BBS4: variants seen among roughly 807,000 people sequenced by gnomAD.
The protein encoded by BBS4 is Bardet-Biedl syndrome 4, also known as BBSome complex member BBS4.
BBS4 carries 58 observed loss-of-function variants against 71.4 expected under a neutral mutation model. The observed-to-expected ratio is 0.81, with a 90% CI of 0.66 to 1.01. The LOEUF (loss-of-function observed/expected upper bound fraction) is 1.01. Ranked by LOEUF, BBS4 falls within the 50% of genes least tolerant of loss-of-function variation. BBS4 has a pLI of 0.00. For synonymous variants in BBS4, 228 were observed against 216.8 expected, an observed-to-expected ratio of 1.05 and a Z score of -0.46; for missense variants, 660 against 607.9, an observed-to-expected ratio of 1.09 and a Z score of -0.90.
chr15:72,689,796 A>G (rs1474184535), intron 1 of BBS4, among the ~76,000 whole-genome samples: 1 of 149,464 alleles, frequency 6.7e-6, no homozygotes, highest in Non-Finnish European at 1.5e-5. Context: ...TTATTTATTT[A>G]TTTATTTATT....
rs1287321672 is a variant in BBS4, at chr15:72,737,963, C to G, written c.*376C>G. 1 of 455,008 alleles carries G rather than the reference C, an allele frequency of 2.2e-6. No individual in the cohort carries two copies. The highest frequency in any genetic ancestry group is 4.4e-6 in the Non-Finnish European group (1 of 227,438). The allele number at this position is 455,008 out of a possible 1,614,324, so 28.2% of individuals were successfully genotyped here. ...AGTTCAAGGAACAGCTGAGACAGACCTCTGCTGAGTAGCTCTGTGATGACA... is the reference window on the plus strand; with the variant it reads ...AGTTCAAGGAACAGCTGAGACAGACGTCTGCTGAGTAGCTCTGTGATGACA... On this transcript the variant is annotated 3_prime_UTR_variant, in exon 16 of 16. Coordinates refer to ENST00000268057, the MANE Select transcript of BBS4 (RefSeq NM_033028.5).
intron 2 of BBS4, among the ~76,000 whole-genome samples, chr15:72,702,248 G>A (rs1217866252): frequency 6.6e-6 from 1 of 152,138 alleles, no homozygotes; most frequent in Non-Finnish European, 1.5e-5. Context: ...GCAGAAACTT[G>A]GTTTAATGTG....
intron 2 of BBS4, among the ~76,000 whole-genome samples, chr15:72,701,318 G>A (rs1440492893): frequency 1.3e-5 from 2 of 152,088 alleles, no homozygotes; most frequent in Admixed American, 1.3e-4. Flanking sequence ...TTTCTTCCTT[G>A]TTATATATAT....
At chr15:72,704,377 T>C in intron 2 of BBS4, 8 of 1,132,540 alleles carry the variant, frequency 7.1e-6, no homozygotes, top group Non-Finnish European at 9.4e-6. Flanking sequence ...CTAGTAATTC[T>C]CATAATACCT....
chr15:72,701,813 T>TA (rs1012357277), intron 2 of BBS4, among the ~76,000 whole-genome samples: 35 of 151,912 alleles, frequency 2.3e-4, no homozygotes, highest in African/African-American at 7.7e-4. Context: ...ACACTGGTTT[T>TA]AAAAAAAATA....
chr15:72,724,692 T>C (rs1567422241), intron 8 of BBS4, 37 bp downstream of exon 8: 7 of 1,611,434 alleles, frequency 4.3e-6, no homozygotes, highest in Non-Finnish European at 5.9e-6. Flanking sequence ...AGTGAGAAAC[T>C]AAAAAAATTG....
chr15:72,706,150 T>C (rs1162751120), intron 2 of BBS4, among the ~76,000 whole-genome samples: 1 of 152,110 alleles, frequency 6.6e-6, no homozygotes, highest in Non-Finnish European at 1.5e-5. Flanking sequence ...TATTTACTTA[T>C]TTTTGAGATG....
intron 8 of BBS4, among the ~76,000 whole-genome samples, chr15:72,726,078 GTTTC>G (rs1470355877): frequency 5.7e-5 from 6 of 105,112 alleles, no homozygotes; most frequent in Non-Finnish European, 1.1e-4. Flanking sequence ...ATCTTTCTTT[GTTTC>G]TTTCTTTTCT....
intron 1 of BBS4, among the ~76,000 whole-genome samples, chr15:72,689,652 G>A (rs1191294809): frequency 6.6e-6 from 1 of 152,084 alleles, no homozygotes; most frequent in East Asian, 1.9e-4. Context: ...CCTGGGGGAA[G>A]TTGAGGCTCC....
chr15:72,709,132 A>G (rs1246484217), intron 2 of BBS4, among the ~76,000 whole-genome samples: 1 of 152,126 alleles, frequency 6.6e-6, no homozygotes, highest in African/African-American at 2.4e-5. Context: ...CACTGTTCTT[A>G]GGCCCCCTCC....
chr15:72,707,567 A>T (rs773540435), intron 2 of BBS4, among the ~76,000 whole-genome samples: 2 of 152,230 alleles, frequency 1.3e-5, no homozygotes, highest in Non-Finnish European at 2.9e-5. Flanking sequence ...GGCTAGGCTT[A>T]ATAAAAAACA....
chr15:72,725,823 CT>C lies in BBS4; in HGVS notation c.587+1171del, dbSNP rs1439941794. ...CCCCCATCCCCCTTCCCCCATCCCC[CT>C]TTCCCCATCCCCCTTTCCCCATCCC... On this transcript the variant is annotated intron_variant, in intron 8 of 15. Coordinates refer to ENST00000268057, the MANE Select transcript of BBS4 (RefSeq NM_033028.5). Among the ~76,000 whole-genome samples, 35 of 15,748 alleles carry C rather than the reference CT, an allele frequency of 2.2e-3. 2 individuals carry two copies. Among genetic ancestry groups the C allele is most frequent in the South Asian group, 5.4e-3 (1 of 186 alleles). 10.3% of individuals were successfully genotyped at this position (15,748 alleles called of 152,430 possible).
chr15:72,712,395 C>T, intron 4 of BBS4, 88 bp downstream of exon 4: 1 of 1,235,742 alleles, frequency 8.1e-7, no homozygotes, highest in Non-Finnish European at 1.2e-6. Context: ...GAAACAAGTT[C>T]AAGTACAGTC....
chr15:72,687,124 C>CTTTTTTTTTTTTTTTTTTT (rs1458417621), intron 1 of BBS4, among the ~76,000 whole-genome samples: 9,275 of 76,078 alleles, frequency 0.12, 3,124 homozygotes, highest in Non-Finnish European at 0.16. Context: ...AAGACAGAAA[C>CTTTTTTTTTTTTTTTTTTT]TTTTTTTTTT....
chr15:72,721,081 A>G lies in BBS4; in HGVS notation c.406-1713A>G, dbSNP rs2065565770. ...ATGCATGCATTCTTATAGCATGACA[A>G]AGTTGGCAGTATACAAGTTTTGGAA... On this transcript the variant is annotated intron_variant, in intron 6 of 15. Transcript: ENST00000268057. Among the ~76,000 whole-genome samples, 4 of 152,324 alleles carry G rather than the reference A, an allele frequency of 2.6e-5. No individual in the cohort carries two copies. In the South Asian group the frequency reaches 8.3e-4, roughly 32 times the overall value.
In BBS4 at chr15:72,737,886, G is replaced by A. The variant is rs2065959043; in HGVS notation, c.*299G>A. The A allele has an allele frequency of 4.3e-6, 2 of 468,524 alleles. No individual in the cohort carries two copies. The highest frequency in any genetic ancestry group is 8.5e-6 in the Non-Finnish European group (2 of 236,456). The allele number at this position is 468,524 out of a possible 1,614,324, so 29.0% of individuals were successfully genotyped here. ...TAGCTGAGTCAGCAAGGTACATGATGCTGTCTGCTTTCAAAAGGACTTTTC... is the reference window on the plus strand; with the variant it reads ...TAGCTGAGTCAGCAAGGTACATGATACTGTCTGCTTTCAAAAGGACTTTTC... On this transcript the variant is annotated 3_prime_UTR_variant, in exon 16 of 16. Coordinates refer to ENST00000268057, the MANE Select transcript of BBS4 (RefSeq NM_033028.5).
At chr15:72,736,238 CTTTTTTTTT>C (rs35502034) in intron 14 of BBS4, among the ~76,000 whole-genome samples, 1 of 113,468 alleles carries the variant, frequency 8.8e-6, no homozygotes, top group Admixed American at 9.8e-5. Context: ...TTCTATTTCA[CTTTTTTTTT>C]TTTTTTTTTT....
At chr15:72,700,413 C>T (rs1028616269) in intron 2 of BBS4, among the ~76,000 whole-genome samples, 3 of 152,192 alleles carry the variant, frequency 2.0e-5, no homozygotes, top group Admixed American at 1.3e-4. Flanking sequence ...CCGCCAGCAA[C>T]GTGTGAGGAT....
intron 6 of BBS4, among the ~76,000 whole-genome samples, chr15:72,721,449 C>G (rs77715914): frequency 6.6e-6 from 1 of 151,980 alleles, no homozygotes; most frequent in Non-Finnish European, 1.5e-5. Flanking sequence ...GATTGAAATT[C>G]TCCCTAGGAT....
Sources: allele counts gnomAD v4.1 joint callset (sites outside exome capture counted in the v4.1 genomes callset), GRCh38; gene constraint gnomAD v4.1.1; transcripts MANE v1.5; gene names NCBI Gene and HGNC (gene_info 2026-07-23, HGNC 2026-07-21).